The following GPR176 variants were observed in gnomAD, a reference collection of about 807,000 sequenced individuals.
GPR176 encodes the protein G protein-coupled receptor 176.
Under a neutral mutation model 35.4 loss-of-function variants are expected in GPR176, and 26 were observed. The ratio of observed to expected loss-of-function variants is 0.74; its 90% CI spans 0.54 to 1.02. GPR176 has a LOEUF of 1.02. Among genes scored for constraint, GPR176 ranks in the 50% least tolerant of loss-of-function variants. GPR176 has a pLI of 0.00. For missense variants in GPR176, 597 were observed against 665.3 expected (o/e 0.90, Z 1.13); for synonymous variants, 278 against 271.3 (o/e 1.02, Z -0.24).
At chr15:39,917,188 C>T (rs2033748484) in intron 1 of GPR176, among the ~76,000 whole-genome samples, 1 of 151,252 alleles carries the variant, frequency 6.6e-6, no homozygotes, top group African/African-American at 2.4e-5. Context: ...GAGGCTGAGG[C>T]AGGAGAATCA....
intron 1 of GPR176, among the ~76,000 whole-genome samples, chr15:39,857,753 G>A (rs2031320416): frequency 6.6e-6 from 1 of 152,010 alleles, no homozygotes; most frequent in South Asian, 2.1e-4. Context: ...CGGATCACAA[G>A]GTCAGGAGAT....
At chr15:39,822,682 TTC>T (rs1373983749) in intron 1 of GPR176, among the ~76,000 whole-genome samples, 2 of 152,260 alleles carry the variant, frequency 1.3e-5, no homozygotes, top group East Asian at 1.9e-4. Flanking sequence ...CTCCTTTTTA[TTC>T]TCTGACTTTC....
At chr15:39,822,050 A>G (rs1367819530) in intron 1 of GPR176, among the ~76,000 whole-genome samples, 2 of 152,216 alleles carry the variant, frequency 1.3e-5, no homozygotes, top group African/African-American at 4.8e-5. Flanking sequence ...AGGAAACCCA[A>G]GCAGTCCTAT....
chr15:39,823,878 C>G (rs1172390759), intron 1 of GPR176, among the ~76,000 whole-genome samples: 3 of 152,184 alleles, frequency 2.0e-5, no homozygotes, highest in Non-Finnish European at 4.4e-5. Context: ...CCCCATGGGC[C>G]TTCACTTGAA....
At chr15:39,878,672 T>C (rs2032355375) in intron 1 of GPR176, among the ~76,000 whole-genome samples, 1 of 152,242 alleles carries the variant, frequency 6.6e-6, no homozygotes, top group South Asian at 2.1e-4. Context: ...ATGGTAGTTC[T>C]GTTTTTAGTT....
chr15:39,919,718 G>T, intron 1 of GPR176, 137 bp downstream of exon 1: 2 of 571,860 alleles, frequency 3.5e-6, no homozygotes, highest in Non-Finnish European at 5.6e-6. Context: ...AGCTACCCGG[G>T]ATCCTTAAGC....
At chr15:39,828,385 G>A (rs1043139228) in intron 1 of GPR176, among the ~76,000 whole-genome samples, 6 of 152,336 alleles carry the variant, frequency 3.9e-5, no homozygotes, top group Middle Eastern at 3.4e-3. Context: ...AAAAGACACT[G>A]CGTGGAGGGG....
intron 1 of GPR176, among the ~76,000 whole-genome samples, chr15:39,909,347 C>T (rs2033515606): frequency 6.6e-6 from 1 of 152,178 alleles, no homozygotes. Context: ...GGTTTCTGCT[C>T]GAACAGTGAA....
intron 1 of GPR176, among the ~76,000 whole-genome samples, chr15:39,829,995 A>C (rs764478048): frequency 6.6e-6 from 1 of 151,636 alleles, no homozygotes; most frequent in Non-Finnish European, 1.5e-5. Context: ...ATAAATATAT[A>C]TATACACATT....
At chr15:39,842,730 C>T (rs1046003778) in intron 1 of GPR176, among the ~76,000 whole-genome samples, 1 of 152,060 alleles carries the variant, frequency 6.6e-6, no homozygotes, top group Non-Finnish European at 1.5e-5. Context: ...ACTTCCGTGC[C>T]TCTAGAACTA....
At position 39,835,364 on chromosome 15, in the gene GPR176, C is replaced by CA. The variant is rs1013977960; in HGVS notation, c.173-28107dup. Among the ~76,000 whole-genome samples, 159 of 151,750 alleles carry CA rather than the reference C, an allele frequency of 1.0e-3. 1 individual carries two copies. The highest frequency in any genetic ancestry group is 3.5e-3 in the African/African-American group (143 of 41,386). On this transcript the variant is annotated intron_variant, in intron 1 of 2. Transcript: ENST00000561100. ...AATATATATACCTACTATGTACTCA[C>CA]AAAAAATAAAAATTAAAAATTTTAT... is the stretch of plus-strand genomic sequence containing the variant.
intron 1 of GPR176, among the ~76,000 whole-genome samples, chr15:39,810,807 A>G (rs536022353): frequency 6.6e-6 from 1 of 152,384 alleles, no homozygotes; most frequent in East Asian, 1.9e-4. Flanking sequence ...CAGAAAGCCT[A>G]CAAAGGAACT....
chr15:39,829,408 G>A, intron 1 of GPR176: 1 of 1,079,676 alleles, frequency 9.3e-7, no homozygotes, highest in Non-Finnish European at 1.2e-6. Flanking sequence ...GGAAAGCCCT[G>A]TAGAGTGAGG....
At chr15:39,822,815 C>G (rs1011106614) in intron 1 of GPR176, among the ~76,000 whole-genome samples, 1 of 152,070 alleles carries the variant, frequency 6.6e-6, no homozygotes, top group Non-Finnish European at 1.5e-5. Context: ...CTTGACTGTC[C>G]AACCGTGATT....
intron 1 of GPR176, chr15:39,860,833 G>A (rs149808561): frequency 2.6e-5 from 4 of 152,204 alleles, no homozygotes; most frequent in East Asian, 1.9e-4. Context: ...AAAATGAAAC[G>A]TAAGTTCCAT....
intron 1 of GPR176, among the ~76,000 whole-genome samples, chr15:39,907,101 C>G (rs1238044559): frequency 6.6e-6 from 1 of 152,204 alleles, no homozygotes; most frequent in Admixed American, 6.5e-5. Context: ...AGGATGGATA[C>G]AAGCCAGCCA....
chr15:39,895,289 A>G lies in GPR176; in HGVS notation c.172+24566T>C, dbSNP rs6492921. ...GGGAGAGGGAGACCGTGGGGAGAGG[A>G]AGAGGGGGAGGGGGAGGGGGAGGGC... On this transcript the variant is annotated intron_variant, in intron 1 of 2. Coordinates refer to ENST00000561100, the MANE Select transcript of GPR176 (RefSeq NM_007223.3). 1.6e-3 allele frequency among the ~76,000 whole-genome samples: 137 copies of G among 87,310 alleles called. 1 individual carries two copies. Among genetic ancestry groups the G allele is most frequent in the Non-Finnish European group, 1.8e-3 (74 of 40,990 alleles). 57.3% of individuals were successfully genotyped at this position (87,310 alleles called of 152,430 possible). A position where few individuals can be genotyped will look rare whatever the true frequency, so the allele number is the denominator to read the frequency against.
intron 1 of GPR176, among the ~76,000 whole-genome samples, chr15:39,890,846 G>GTTGGGC (rs1324505595): frequency 6.6e-6 from 1 of 152,210 alleles, no homozygotes; most frequent in East Asian, 1.9e-4. Context: ...CCATGGATGA[G>GTTGGGC]TTGGGCTTGG....
At position 39,841,211 on chromosome 15, in the gene GPR176, T is replaced by A. The variant is rs142135667; in HGVS notation, c.173-33953A>T. 4.3e-3 allele frequency among the ~76,000 whole-genome samples: 660 copies of A among 152,256 alleles called. 6 individuals carry two copies. The highest frequency in any genetic ancestry group is 0.015 in the African/African-American group (637 of 41,552). ...TGCTAGCTAGCTGTCCCTTGCCCAT[T>A]AAGGCTTGACAATGGTCATAATAAC... is the stretch of plus-strand genomic sequence containing the variant. On this transcript the variant is annotated intron_variant, in intron 1 of 2. Coordinates refer to ENST00000561100, the MANE Select transcript of GPR176 (RefSeq NM_007223.3).
Sources: allele counts gnomAD v4.1 joint callset (sites outside exome capture counted in the v4.1 genomes callset), GRCh38; gene constraint gnomAD v4.1.1; transcripts MANE v1.5; gene names NCBI Gene and HGNC (gene_info 2026-07-23, HGNC 2026-07-21).